Variants in SIPA1L3 observed in about 807,000 individuals in gnomAD.
SIPA1L3 encodes the protein signal induced proliferation associated 1 like 3.
In SIPA1L3, 59 loss-of-function variants were observed where a neutral mutation model predicts 150.1. The ratio of observed to expected loss-of-function variants is 0.39; its 90% CI spans 0.32 to 0.49. The LOEUF (loss-of-function observed/expected upper bound fraction) is 0.49. Ranked by LOEUF, SIPA1L3 falls within the 20% of genes least tolerant of loss-of-function variation. The pLI, the probability that SIPA1L3 is intolerant of heterozygous loss-of-function variation, is 0.86. For missense variants in SIPA1L3, 2,211 were observed against 2,489.5 expected (o/e 0.89, Z 2.38); for synonymous variants, 1,070 against 1,077.6 (o/e 0.99, Z 0.14).
intron 1 of SIPA1L3, among the ~76,000 whole-genome samples, chr19:37,948,652 G>A (rs1335966640): frequency 6.6e-6 from 1 of 152,146 alleles, no homozygotes; most frequent in Non-Finnish European, 1.5e-5. Flanking sequence ...CAAGTGCTGG[G>A]GCCACAGTTA....
chr19:37,975,065 C>T (rs1239678059), intron 1 of SIPA1L3, among the ~76,000 whole-genome samples: 1 of 152,154 alleles, frequency 6.6e-6, no homozygotes, highest in Non-Finnish European at 1.5e-5. Flanking sequence ...CTCTACGGTG[C>T]CTACCAGACT....
In SIPA1L3 at chr19:38,082,256, G is replaced by A. The variant is rs763820444; in HGVS notation, c.691G>A (p.Asp231Asn). ...ILNEFRSEQP[D>N]ARGCQALTEL... ...GAACGAGTTCCGCAGCGAGCAGCCCGACGCCCGAGGGTGCCAGGCCCTCAC... is the reference window on the plus strand; with the variant it reads ...GAACGAGTTCCGCAGCGAGCAGCCCAACGCCCGAGGGTGCCAGGCCCTCAC... The change falls in exon 3 of 22, where the codon GAC becomes AAC. Residue 231 changes from aspartate to asparagine, a missense_variant. This residue lies in a region of SIPA1L3 where 587 missense variants were observed against 534.5 expected (regional missense o/e 1.10). Coordinates refer to ENST00000222345, the MANE Select transcript of SIPA1L3 (RefSeq NM_015073.3). The A allele has an allele frequency of 6.2e-6, 10 of 1,600,520 alleles. No individual in the cohort carries two copies. Among genetic ancestry groups the A allele is most frequent in the East Asian group, 4.5e-5 (2 of 44,868 alleles).
intron 1 of SIPA1L3, among the ~76,000 whole-genome samples, chr19:38,008,394 A>G (rs1192951481): frequency 2.0e-5 from 3 of 150,730 alleles, no homozygotes; most frequent in African/African-American, 7.3e-5. Flanking sequence ...TGCCCAGCTA[A>G]TTTTTTGTAT....
intron 7 of SIPA1L3, chr19:38,109,532 T>C (rs1405021600): frequency 6.6e-6 from 1 of 152,294 alleles, no homozygotes; most frequent in East Asian, 1.9e-4. Flanking sequence ...CTGACCTCAG[T>C]CAGGGTCCAG....
chr19:38,201,911 G>A lies in SIPA1L3; in HGVS notation c.5034G>A (p.Pro1678=), dbSNP rs141643424. 40 of 1,613,696 alleles carry A rather than the reference G, an allele frequency of 2.5e-5. No individual in the cohort carries two copies. In the African/African-American group the frequency reaches 2.9e-4, roughly 12 times the overall value. The change falls in exon 20 of 22, where the codon CCG becomes CCA. Residue 1678 remains proline (P), a synonymous_variant. Transcript: ENST00000222345. ...CTCTGAACGACCCGGCCCTGAGCCC[G>A]GACATCCCGCCTGCACACAGTCCTG... ...LFSLNDPALS[P]DIPPAHSPVH... is the part of the protein sequence containing the mutation.
chr19:38,035,339 C>A (rs1191126764), intron 2 of SIPA1L3, among the ~76,000 whole-genome samples: 1 of 152,184 alleles, frequency 6.6e-6, no homozygotes, highest in Non-Finnish European at 1.5e-5. Context: ...TCTTGCTGGG[C>A]ACGAGGCTTA....
At chr19:37,984,519 A>G (rs1230306833) in intron 1 of SIPA1L3, among the ~76,000 whole-genome samples, 1 of 152,226 alleles carries the variant, frequency 6.6e-6, no homozygotes, top group Non-Finnish European at 1.5e-5. Context: ...ACATTAAGGA[A>G]AGAGAGAAAA....
At position 37,940,275 on chromosome 19, in the gene SIPA1L3, A is replaced by G. The variant is rs967791151; in HGVS notation, c.-379+32917A>G. Among the ~76,000 whole-genome samples the G allele has an allele frequency of 9.9e-5, 15 of 151,708 alleles. 1 individual carries two copies. The highest frequency in any genetic ancestry group is 9.9e-4 in the Admixed American group (15 of 15,196). Reference sequence around the variant, plus strand: ...CAGCCTGGGTGACAGGCTAAAAAAAAACCCTGCCTAAAAACAAACAAACAA... The same window carrying G: ...CAGCCTGGGTGACAGGCTAAAAAAAGACCCTGCCTAAAAACAAACAAACAA... On this transcript the variant is annotated intron_variant, in intron 1 of 21. Transcript: ENST00000222345.
At chr19:37,919,919 A>G (rs989327790) in intron 1 of SIPA1L3, among the ~76,000 whole-genome samples, 5 of 151,696 alleles carry the variant, frequency 3.3e-5, no homozygotes, top group African/African-American at 1.2e-4. Flanking sequence ...CATGTTGGTC[A>G]GGCTGGTCTC....
At chr19:38,123,410 C>T (rs931649579) in intron 9 of SIPA1L3, among the ~76,000 whole-genome samples, 5 of 149,344 alleles carry the variant, frequency 3.3e-5, no homozygotes, top group African/African-American at 7.5e-5. Flanking sequence ...GAGGACCCTG[C>T]GGCCTTCCGC....
chr19:38,143,542 C>CTTTT lies in SIPA1L3; in HGVS notation c.3533+851_3533+854dup, dbSNP rs10669806. ...AACAGCCAGAGGGATCTTTCTGTGT[C>CTTTT]TTTTTTTTTTTTTTTTTTTTTTGAG... On this transcript the variant is annotated intron_variant, in intron 12 of 21. Transcript: ENST00000222345. Among the ~76,000 whole-genome samples, 116 of 79,976 alleles carry CTTTT rather than the reference C, an allele frequency of 1.5e-3. 3 individuals are homozygous for CTTTT. The highest frequency in any genetic ancestry group is 4.0e-3 in the African/African-American group (70 of 17,520). The allele number at this position is 79,976 out of a possible 152,430, so 52.5% of individuals were successfully genotyped here.
At chr19:37,993,399 T>C (rs762089229) in intron 1 of SIPA1L3, among the ~76,000 whole-genome samples, 5 of 152,236 alleles carry the variant, frequency 3.3e-5, no homozygotes, top group South Asian at 2.1e-4. Context: ...TGGCGCGATC[T>C]CGGCTCACTG....
chr19:38,152,820 G>A lies in SIPA1L3; in HGVS notation c.3534-20G>A, dbSNP rs375901396. On this transcript the variant is annotated intron_variant, in intron 12 of 21. Coordinates refer to ENST00000222345, the MANE Select transcript of SIPA1L3 (RefSeq NM_015073.3). Reference sequence around the variant, plus strand: ...TAGGCTGATCTTTAACCCTGGGCACGTTCTTCTCATCCCCTGCAGGTACAC... The same window carrying A: ...TAGGCTGATCTTTAACCCTGGGCACATTCTTCTCATCCCCTGCAGGTACAC... The A allele has an allele frequency of 5.1e-5, 82 of 1,599,356 alleles. No homozygotes were observed. In the African/African-American group the frequency reaches 7.4e-4, roughly 14 times the overall value.
At chr19:38,096,731 G>T (rs1970388505) in intron 4 of SIPA1L3, among the ~76,000 whole-genome samples, 3 of 152,212 alleles carry the variant, frequency 2.0e-5, no homozygotes, top group Admixed American at 1.3e-4. Context: ...ATGTGGAGCA[G>T]CAGGGGCTCT....
At chr19:37,979,059 C>G (rs1179409050) in intron 1 of SIPA1L3, among the ~76,000 whole-genome samples, 1 of 152,100 alleles carries the variant, frequency 6.6e-6, no homozygotes, top group Non-Finnish European at 1.5e-5. Context: ...CTCACATCTC[C>G]TTTCAGAAGT....
At position 38,141,548 on chromosome 19, in the gene SIPA1L3, C is replaced by T. The variant is rs141895460; in HGVS notation, c.3395+113C>T. 4.9e-4 allele frequency: 564 copies of T among 1,162,016 alleles called. 1 individual carries two copies. In the African/African-American group the frequency reaches 7.9e-3, roughly 16 times the overall value. 72.0% of individuals were successfully genotyped at this position (1,162,016 alleles called of 1,614,324 possible). ...CATCCTCTTCCTCGCCTCAAGCTTT[C>T]GACCTTCCTTCTTATCCTTATGTCT... is the stretch of plus-strand genomic sequence containing the variant. On this transcript the variant is annotated intron_variant, in intron 11 of 21. Transcript: ENST00000222345.
chr19:37,992,621 A>T (rs941511094), intron 1 of SIPA1L3, among the ~76,000 whole-genome samples: 6 of 150,798 alleles, frequency 4.0e-5, no homozygotes, highest in Non-Finnish European at 5.9e-5. Flanking sequence ...ACTGTACTCC[A>T]GCCTGGGCAA....
intron 4 of SIPA1L3, among the ~76,000 whole-genome samples, chr19:38,089,342 A>G (rs1055514368): frequency 5.9e-5 from 9 of 151,826 alleles, no homozygotes; most frequent in South Asian, 2.1e-4. Flanking sequence ...AAAAAAAAAA[A>G]AAAAAGAAAA....
intron 7 of SIPA1L3, chr19:38,108,453 G>T (rs1970668523): frequency 6.6e-6 from 1 of 152,190 alleles, no homozygotes; most frequent in African/African-American, 2.4e-5. Flanking sequence ...TTGAAGATAA[G>T]GCTGTGCAGT....
Sources: gnomAD v4.1 joint callset for allele counts (sites outside exome capture counted in the v4.1 genomes callset) on GRCh38, gnomAD v4.1.1 for gene constraint, gnomAD v4.1.1 regional missense constraint, MANE v1.5 for transcripts, NCBI Gene and HGNC (gene_info 2026-07-23, HGNC 2026-07-21) for gene names.